CHST9: variants seen among roughly 807,000 people sequenced by gnomAD.
The protein encoded by CHST9 is GalNAc-4-sulfotransferase 2.
A neutral mutation model predicts 44.4 loss-of-function variants in CHST9; 41 were observed. The ratio of observed to expected loss-of-function variants is 0.92; its 90% confidence interval spans 0.72 to 1.20. The LOEUF (loss-of-function observed/expected upper bound fraction) is 1.20, where lower values mean the gene tolerates loss of function less well. CHST9 is among the 50% of genes most tolerant of loss of function. The pLI is 0.00. For missense variants in CHST9, 504 were observed against 516.5 expected, an observed-to-expected ratio of 0.98 and a Z score of 0.23; for synonymous variants, 171 against 178.4, an observed-to-expected ratio of 0.96 and a Z score of 0.33.
At chr18:26,936,128 C>G (rs2055986738) in intron 5 of CHST9, 1 of 152,096 alleles carries the variant, frequency 6.6e-6, no homozygotes, top group South Asian at 2.1e-4. Flanking sequence ...AGGGATCTGC[C>G]TTAGGGGATG....
chr18:26,995,861 C>T (rs774958881), intron 4 of CHST9, among the ~76,000 whole-genome samples: 5 of 152,142 alleles, frequency 3.3e-5, no homozygotes, highest in Non-Finnish European at 5.9e-5. Context: ...TTTACATTTT[C>T]GTTCTATAAT....
chr18:27,093,391 T>G (rs2058087538), intron 2 of CHST9, among the ~76,000 whole-genome samples: 1 of 152,248 alleles, frequency 6.6e-6, no homozygotes, highest in Non-Finnish European at 1.5e-5. Flanking sequence ...TGAGCTGTGG[T>G]GGGCTCCACC....
chr18:27,129,625 T>C (rs778774058), intron 2 of CHST9, among the ~76,000 whole-genome samples: 1 of 152,120 alleles, frequency 6.6e-6, no homozygotes, highest in Non-Finnish European at 1.5e-5. Context: ...ACTCCTGACC[T>C]CAAATGTTCC....
intron 4 of CHST9, among the ~76,000 whole-genome samples, chr18:26,996,551 C>T (rs931639337): frequency 6.6e-6 from 1 of 152,166 alleles, no homozygotes; most frequent in Admixed American, 6.5e-5. Flanking sequence ...GTTAGGGTAG[C>T]AGTGCTTCTA....
At chr18:27,051,487 C>T (rs940314213) in intron 2 of CHST9, among the ~76,000 whole-genome samples, 17 of 152,054 alleles carry the variant, frequency 1.1e-4, no homozygotes, top group African/African-American at 4.1e-4. Flanking sequence ...TGGGGGATGC[C>T]GGATAATATG....
intron 4 of CHST9, among the ~76,000 whole-genome samples, chr18:26,951,561 G>GTT (rs57277860): frequency 2.1e-4 from 31 of 150,790 alleles, no homozygotes; most frequent in African/African-American, 7.1e-4. Flanking sequence ...AAGTCTTTTT[G>GTT]TTTTTTTTTT....
rs1056308597 is a variant in CHST9, at chr18:26,935,735, C to G, written c.240+8594G>C. The G allele has an allele frequency of 2.6e-5, 4 of 152,116 alleles. No homozygotes were observed. In the South Asian group the frequency reaches 8.3e-4, roughly 32 times the overall value. The allele number at this position is 152,116 out of a possible 1,614,324, so 9.4% of individuals were successfully genotyped here. On this transcript the variant is annotated intron_variant, in intron 5 of 5. Coordinates refer to ENST00000618847, the MANE Select transcript of CHST9 (RefSeq NM_031422.6). ...TCCATCCTTGTTTGATGATCGACCACAGAATATAACATAACACTTCTGTGT... is the reference window on the plus strand; with the variant it reads ...TCCATCCTTGTTTGATGATCGACCAGAGAATATAACATAACACTTCTGTGT...
chr18:26,975,374 C>T (rs2056604328), intron 4 of CHST9, among the ~76,000 whole-genome samples: 1 of 151,734 alleles, frequency 6.6e-6, no homozygotes, highest in Admixed American at 6.6e-5. Context: ...TATACATCAC[C>T]CAAATAATGT....
At chr18:27,117,842 A>C (rs772785599) in intron 2 of CHST9, among the ~76,000 whole-genome samples, 49 of 152,362 alleles carry the variant, frequency 3.2e-4, no homozygotes, top group Non-Finnish European at 5.7e-4. Flanking sequence ...TTATGAATAA[A>C]GCTGCTATAA....
rs2055436103 is a variant in CHST9 at position 26,911,234 on chromosome 18, C to T, written c.*5025G>A. On this transcript the variant is annotated 3_prime_UTR_variant, in exon 6 of 6. Transcript: ENST00000618847. ...AAAGCATCTGTTAAAGTAACGCTTTCCACTGAGTGCCTTGCTAGACATGGT... is the reference window on the plus strand; with the variant it reads ...AAAGCATCTGTTAAAGTAACGCTTTTCACTGAGTGCCTTGCTAGACATGGT... The T allele has an allele frequency of 6.6e-6, 1 of 152,234 alleles. No homozygotes were observed. The highest frequency in any genetic ancestry group is 6.5e-5 in the Admixed American group (1 of 15,280). 9.4% of individuals were successfully genotyped at this position (152,234 alleles called of 1,614,324 possible). A position where few individuals can be genotyped will look rare whatever the true frequency, so the allele number is the denominator to read the frequency against.
chr18:27,000,622 G>GTCTATCTACCTATCTACCTATCTATCTA (rs1555675551), intron 4 of CHST9, among the ~76,000 whole-genome samples: 1 of 147,490 alleles, frequency 6.8e-6, no homozygotes, highest in African/African-American at 2.5e-5. Flanking sequence ...TATTTGTTTT[G>GTCTATCTACCTATCTACCTATCTATCTA]TCTATCTATC....
intron 2 of CHST9, among the ~76,000 whole-genome samples, chr18:27,060,492 G>A (rs893026012): frequency 5.9e-5 from 9 of 152,164 alleles, no homozygotes; most frequent in African/African-American, 1.9e-4. Context: ...GAGTGGGTGC[G>A]GGTGAGCTCC....
chr18:26,921,155 T>C (rs941283017), intron 5 of CHST9, among the ~76,000 whole-genome samples: 2 of 152,204 alleles, frequency 1.3e-5, no homozygotes, highest in African/African-American at 4.8e-5. Context: ...GTAGTGGACT[T>C]GAATATTTCA....
At chr18:26,968,141 ATTC>A (rs1301651014) in intron 4 of CHST9, among the ~76,000 whole-genome samples, 23 of 152,166 alleles carry the variant, frequency 1.5e-4, no homozygotes, top group Admixed American at 1.4e-3. Context: ...CTGTGACTCA[ATTC>A]TTCTAATAAA....
chr18:27,051,300 C>T (rs545060382), intron 2 of CHST9, among the ~76,000 whole-genome samples: 53 of 145,708 alleles, frequency 3.6e-4, no homozygotes, highest in Non-Finnish European at 7.7e-4. Context: ...TCTGTCACCT[C>T]CCTAATTAGT....
At chr18:27,146,647 C>T (rs2058614553) in intron 1 of CHST9, among the ~76,000 whole-genome samples, 1 of 152,190 alleles carries the variant, frequency 6.6e-6, no homozygotes, top group South Asian at 2.1e-4. Context: ...CTTCTCCCTT[C>T]CCATAAACAG....
rs190235837 is a variant in CHST9 at position 27,076,031 on chromosome 18, T to C, written c.122-27528A>G. Among the ~76,000 whole-genome samples, 651 of 152,350 alleles carry C rather than the reference T, an allele frequency of 4.3e-3. 4 individuals are homozygous for C. The highest frequency in any genetic ancestry group is 0.015 in the African/African-American group (633 of 41,582). On this transcript the variant is annotated intron_variant, in intron 2 of 5. Coordinates refer to ENST00000618847, the MANE Select transcript of CHST9 (RefSeq NM_031422.6). ...GTCCTGCCATGGTAACATAATTTAC[T>C]GTGTCATTACCATTGTTATCGCATC... is the stretch of plus-strand genomic sequence containing the variant.
intron 1 of CHST9, among the ~76,000 whole-genome samples, chr18:27,160,919 T>C (rs1310202643): frequency 6.6e-6 from 1 of 152,242 alleles, no homozygotes; most frequent in African/African-American, 2.4e-5. Context: ...TAGTATTCTC[T>C]GATGGTAGTT....
At chr18:26,995,311 G>A (rs1015429166) in intron 4 of CHST9, among the ~76,000 whole-genome samples, 30 of 150,936 alleles carry the variant, frequency 2.0e-4, no homozygotes, top group South Asian at 1.7e-3. Flanking sequence ...GGTGGTGGGC[G>A]CCTGTAGTCT....
Sources: gnomAD v4.1 joint callset for allele counts (sites outside exome capture counted in the v4.1 genomes callset) on GRCh38, gnomAD v4.1.1 for gene constraint, MANE v1.5 for transcripts, NCBI Gene and HGNC (gene_info 2026-07-23, HGNC 2026-07-21) for gene names.